The following FAT3 variants were observed in gnomAD, a reference collection of about 807,000 sequenced individuals.
The protein encoded by FAT3 is protocadherin Fat 3.
FAT3 carries 95 observed loss-of-function variants against 310.2 expected under a neutral mutation model. The observed-to-expected ratio is 0.31, with a 90% CI of 0.26 to 0.36. The LOEUF (loss-of-function observed/expected upper bound fraction) is 0.36, where lower values mean the gene tolerates loss of function less well. FAT3 is among the 10% of genes least tolerant of loss of function. The pLI is 1.00. For missense variants in FAT3, 5,408 were observed against 5,715.6 expected (o/e 0.95, Z 1.74); for synonymous variants, 2,314 against 2,192.9 (o/e 1.06, Z -1.54).
intron 3 of FAT3, among the ~76,000 whole-genome samples, chr11:92,650,422 T>C (rs2135756598): frequency 6.6e-6 from 1 of 152,310 alleles, no homozygotes; most frequent in Non-Finnish European, 1.5e-5. Context: ...CTGTCCTTCT[T>C]ATTTCAACAT....
chr11:92,611,687 C>T (rs752902887), intron 3 of FAT3, among the ~76,000 whole-genome samples: 9 of 152,156 alleles, frequency 5.9e-5, no homozygotes, highest in Admixed American at 2.6e-4. Flanking sequence ...AACCACTGTA[C>T]CCTGGCCCAC....
chr11:92,349,012 G>T (rs1359560724), intron 1 of FAT3, among the ~76,000 whole-genome samples: 1 of 152,098 alleles, frequency 6.6e-6, no homozygotes, highest in Non-Finnish European at 1.5e-5. Context: ...TTAAGTAGAA[G>T]TTCAAAGTGT....
At chr11:92,317,239 T>C (rs975843656) in intron 1 of FAT3, among the ~76,000 whole-genome samples, 1 of 152,330 alleles carries the variant, frequency 6.6e-6, no homozygotes, top group Non-Finnish European at 1.5e-5. Flanking sequence ...ATGTAAACTC[T>C]TTCTCTCTTT....
intron 4 of FAT3, among the ~76,000 whole-genome samples, chr11:92,734,273 G>A (rs936680392): frequency 5.9e-5 from 9 of 152,190 alleles, no homozygotes; most frequent in Non-Finnish European, 8.8e-5. Flanking sequence ...GTGTCAGTGC[G>A]ATACCACATG....
At chr11:92,675,336 C>G (rs1002924314) in intron 3 of FAT3, among the ~76,000 whole-genome samples, 1 of 152,200 alleles carries the variant, frequency 6.6e-6, no homozygotes, top group Non-Finnish European at 1.5e-5. Flanking sequence ...TAGTGGTGAA[C>G]TTCACAGTAT....
chr11:92,758,319 G>T (rs1309758080), intron 4 of FAT3, among the ~76,000 whole-genome samples: 7 of 152,184 alleles, frequency 4.6e-5, no homozygotes, highest in African/African-American at 1.7e-4. Flanking sequence ...ACACATAGTG[G>T]CATAGAAACA....
intron 4 of FAT3, among the ~76,000 whole-genome samples, chr11:92,702,450 T>C (rs908671260): frequency 6.6e-6 from 1 of 152,182 alleles, no homozygotes; most frequent in Non-Finnish European, 1.5e-5. Context: ...TTAAATTAAC[T>C]TTGATCCTCC....
chr11:92,795,481 G>C (rs1218212219), intron 9 of FAT3, among the ~76,000 whole-genome samples: 5 of 152,076 alleles, frequency 3.3e-5, no homozygotes, highest in African/African-American at 1.2e-4. Context: ...TAAGCAGGAA[G>C]TGGATTCCAA....
At position 92,866,726 on chromosome 11, in the gene FAT3, T is replaced by A. The variant is rs1949256782; in HGVS notation, c.11659-15T>A. 2.5e-6 allele frequency: 4 copies of A among 1,608,242 alleles called. No homozygotes were observed. Among genetic ancestry groups the A allele is most frequent in the Non-Finnish European group, 3.4e-6 (4 of 1,177,562 alleles). On this transcript the variant is annotated splice_polypyrimidine_tract_variant and intron_variant, in intron 21 of 27. Transcript: ENST00000525166. ...TGCATGTTGAAAAGTGCTGCACTGT[T>A]CCTTCCCCACGCAGATTGTGGATGG... is the stretch of plus-strand genomic sequence containing the variant.
intron 3 of FAT3, among the ~76,000 whole-genome samples, chr11:92,548,228 G>A (rs1954681023): frequency 6.6e-6 from 1 of 152,108 alleles, no homozygotes; most frequent in Admixed American, 6.6e-5. Context: ...AAGCCTTGTT[G>A]TGCCCCTCAG....
At chr11:92,650,228 G>C (rs578012998) in intron 3 of FAT3, among the ~76,000 whole-genome samples, 1 of 152,038 alleles carries the variant, frequency 6.6e-6, no homozygotes, top group Admixed American at 6.5e-5. Flanking sequence ...AGGGTTATTT[G>C]TTCTAGCCTC....
intron 7 of FAT3, among the ~76,000 whole-genome samples, chr11:92,781,794 T>G (rs1946761294): frequency 6.7e-6 from 1 of 148,892 alleles, no homozygotes; most frequent in Non-Finnish European, 1.5e-5. Flanking sequence ...AGAAGATTCT[T>G]GGAATCTGTG....
intron 2 of FAT3, among the ~76,000 whole-genome samples, chr11:92,394,542 T>C (rs1949819299): frequency 6.6e-6 from 1 of 152,188 alleles, no homozygotes; most frequent in Non-Finnish European, 1.5e-5. Context: ...CAAGAGGCAG[T>C]TTTGCTACCT....
intron 4 of FAT3, among the ~76,000 whole-genome samples, chr11:92,698,927 T>C (rs538858419): frequency 1.4e-4 from 22 of 152,292 alleles, no homozygotes; most frequent in African/African-American, 5.1e-4. Context: ...CTGGCTGAGA[T>C]CACTTATGGC....
intron 1 of FAT3, among the ~76,000 whole-genome samples, chr11:92,237,546 A>G (rs1325672745): frequency 6.6e-6 from 1 of 152,178 alleles, no homozygotes; most frequent in Non-Finnish European, 1.5e-5. Context: ...TGAGAATATT[A>G]TACCACTTTG....
intron 3 of FAT3, among the ~76,000 whole-genome samples, chr11:92,693,503 G>T (rs965995842): frequency 2.0e-5 from 3 of 152,074 alleles, no homozygotes; most frequent in Non-Finnish European, 2.9e-5. Context: ...CTATTGTCTT[G>T]TTGTCTTATT....
chr11:92,691,059 G>A (rs912747870), intron 3 of FAT3, among the ~76,000 whole-genome samples: 1 of 152,202 alleles, frequency 6.6e-6, no homozygotes, highest in Non-Finnish European at 1.5e-5. Flanking sequence ...CCCAGGTCCT[G>A]CACTGCCGGG....
rs140635389 is a variant in FAT3, at chr11:92,573,533, A to T, written c.3607+48585A>T. Among the ~76,000 whole-genome samples, 150 of 152,300 alleles carry T rather than the reference A, an allele frequency of 9.8e-4. 2 individuals are homozygous for T. The highest frequency in any genetic ancestry group is 3.5e-3 in the African/African-American group (145 of 41,570). ...TTATTTGGAATTAGGGTCTTTGCAG[A>T]TGTAATTAAGCTAATGATCTTAAGA... On this transcript the variant is annotated intron_variant, in intron 3 of 27. Coordinates refer to ENST00000525166, the MANE Select transcript of FAT3 (RefSeq NM_001367949.2).
intron 22 of FAT3, among the ~76,000 whole-genome samples, chr11:92,878,061 C>T (rs1002127763): frequency 1.3e-5 from 2 of 152,144 alleles, no homozygotes; most frequent in Non-Finnish European, 2.9e-5. Flanking sequence ...AGCATGTGCA[C>T]ATACATGTAT....
Sources: allele counts gnomAD v4.1 joint callset (sites outside exome capture counted in the v4.1 genomes callset), GRCh38; gene constraint gnomAD v4.1.1; transcripts MANE v1.5; gene names NCBI Gene and HGNC (gene_info 2026-07-23, HGNC 2026-07-21).